The following IFNLR1 variants were observed in gnomAD, a reference collection of about 807,000 sequenced individuals.
The protein encoded by IFNLR1 is interferon lambda receptor 1.
Under a neutral mutation model 52.5 loss-of-function variants are expected in IFNLR1, and 28 were observed. That is an observed-to-expected ratio of 0.53 (90% CI 0.40 to 0.73). The LOEUF is 0.73. Ranked by LOEUF, IFNLR1 falls within the 30% of genes least tolerant of loss-of-function variation. IFNLR1 has a pLI of 0.00. For missense variants in IFNLR1, 623 were observed against 659.1 expected, an observed-to-expected ratio of 0.95 and a Z score of 0.60; for synonymous variants, 276 against 274.9, an observed-to-expected ratio of 1.00 and a Z score of -0.04.
Position 24,155,464 on chromosome 1 carries a change from T to A in IFNLR1, c.*1666A>T, listed in dbSNP as rs569541057. ...CAAAAGGAGTGGTTTGCTAACTTTT[T>A]CTTGAGTAGTGGATCCCTCTAAACA... is the stretch of plus-strand genomic sequence containing the variant. On this transcript the variant is annotated 3_prime_UTR_variant, in exon 7 of 7. Transcript: ENST00000327535. The A allele has an allele frequency of 6.6e-6, 1 of 152,334 alleles. No homozygotes were observed. Among genetic ancestry groups the A allele is most frequent in the African/African-American group, 2.4e-5 (1 of 41,564 alleles). The allele number at this position is 152,334 out of a possible 1,614,324, so 9.4% of individuals were successfully genotyped here. A position where few individuals can be genotyped will look rare whatever the true frequency, so the allele number is the denominator to read the frequency against.
intron 1 of IFNLR1, among the ~76,000 whole-genome samples, chr1:24,182,782 T>A (rs1644703780): frequency 6.6e-6 from 1 of 152,140 alleles, no homozygotes; most frequent in South Asian, 2.1e-4. Context: ...TAGCCAGGCG[T>A]GGTGGTGCAC....
At chr1:24,171,271 A>G (rs975708971) in intron 2 of IFNLR1, among the ~76,000 whole-genome samples, 3 of 152,190 alleles carry the variant, frequency 2.0e-5, no homozygotes, top group Non-Finnish European at 4.4e-5. Flanking sequence ...ATAAATAAAT[A>G]AAGAACAACA....
chr1:24,170,330 A>G (rs1416316769), intron 2 of IFNLR1, among the ~76,000 whole-genome samples: 1 of 152,210 alleles, frequency 6.6e-6, no homozygotes, highest in Non-Finnish European at 1.5e-5. Flanking sequence ...CAAATGGACT[A>G]AGCCAGAGAC....
chr1:24,186,061 A>G (rs1644735325), intron 1 of IFNLR1, among the ~76,000 whole-genome samples: 1 of 152,206 alleles, frequency 6.6e-6, no homozygotes, highest in Non-Finnish European at 1.5e-5. Context: ...AATACTTATC[A>G]GGTGAAAGTA....
At position 24,157,805 on chromosome 1, in the gene IFNLR1, C is replaced by G. The variant is rs71575792; in HGVS notation, c.888G>C (p.Lys296Asn). Residue 296 changes from lysine to asparagine, a missense_variant, in exon 7 of 7, where the codon AAG becomes AAC. Transcript: ENST00000327535. This position sits in a 1 kb window ranked among gnomAD's most constrained non-coding sequence, Gnocchi z 5.1. ...TCGGCCTGACCCCTCTGGTCAGTTC[C>G]TTTTGGGGACAGAGGAACAAGTCAT... ...SVNDLFLCPQ[K>N]ELTRGVRPTP... 6.2e-7 allele frequency: 1 copy of G among 1,614,066 alleles called. No individual in the cohort carries two copies. Among genetic ancestry groups the G allele is most frequent in the South Asian group, 1.1e-5 (1 of 91,066 alleles).
At chr1:24,180,675 A>ACCCCCCCCCCC in intron 2 of IFNLR1, 56 bp downstream of exon 2, 1 of 385,914 alleles carries the variant, frequency 2.6e-6, no homozygotes, top group Non-Finnish European at 5.1e-6. Flanking sequence ...AAGCCCCTCC[A>ACCCCCCCCCCC]GCCCCCACCC....
At chr1:24,162,752 CTTTCTTTCTTTCTTTCTTTCTTTCTT>C (rs1557643803) in intron 3 of IFNLR1, among the ~76,000 whole-genome samples, 1,804 of 37,540 alleles carry the variant, frequency 0.048, 53 homozygotes, top group East Asian at 0.085. Flanking sequence ...TTCTTTCTTT[CTTTCTTTCTTTCTTTCTTTCTTTCTT>C]TTTCTTTCTT....
chr1:24,175,802 C>T (rs1214514266), intron 2 of IFNLR1, among the ~76,000 whole-genome samples: 6 of 151,964 alleles, frequency 3.9e-5, no homozygotes, highest in African/African-American at 7.3e-5. Flanking sequence ...GGCGTGGTGG[C>T]GCATGCCTGT....
intron 2 of IFNLR1, 103 bp from the exon 3 acceptor site, chr1:24,169,704 CT>C: frequency 1.6e-6 from 2 of 1,230,070 alleles, no homozygotes; most frequent in Non-Finnish European, 2.3e-6. Flanking sequence ...GCTGGACTGA[CT>C]TTAGGTCCAT....
chr1:24,157,027 G>T lies in IFNLR1; in HGVS notation c.*103C>A, dbSNP rs11249009. 21,663 of 1,378,600 alleles carry T rather than the reference G, an allele frequency of 0.016. 184 individuals are homozygous for T. The highest frequency in any genetic ancestry group is 0.028 in the Middle Eastern group (103 of 3,708). 85.4% of individuals were successfully genotyped at this position (1,378,600 alleles called of 1,614,324 possible). A position where few individuals can be genotyped will look rare whatever the true frequency, so the allele number is the denominator to read the frequency against. ...CTTCCCGGAAGTGCAATGCCCCTCC[G>T]CCGCCCAGGGGAGGTACGGAGGCTC... On this transcript the variant is annotated 3_prime_UTR_variant, in exon 7 of 7. Transcript: ENST00000327535. This position sits in a 1 kb window ranked among gnomAD's most constrained non-coding sequence, Gnocchi z 5.1.
chr1:24,172,223 T>C (rs1371974669), intron 2 of IFNLR1, among the ~76,000 whole-genome samples: 1 of 152,158 alleles, frequency 6.6e-6, no homozygotes, highest in Admixed American at 6.6e-5. Context: ...AGCTAAGTAA[T>C]ACTTAGAGGA....
chr1:24,166,176 C>CCCATCCATCCATCCATCCATCCAT (rs143399355), intron 3 of IFNLR1, among the ~76,000 whole-genome samples: 2 of 149,352 alleles, frequency 1.3e-5, no homozygotes, highest in Admixed American at 6.7e-5. Flanking sequence ...TCCTTTCCTT[C>CCCATCCATCCATCCATCCATCCAT]CCATCCATCC....
chr1:24,162,812 TTTTTTTC>T (rs1340222432), intron 3 of IFNLR1, among the ~76,000 whole-genome samples: 3,065 of 81,776 alleles, frequency 0.037, 355 homozygotes, highest in Middle Eastern at 0.086. Context: ...TTTTTCTTTC[TTTTTTTC>T]TTCTTTCTTT....
chr1:24,157,165 T>C lies in IFNLR1; in HGVS notation c.1528A>G (p.Arg510Gly), dbSNP rs1478575922. ...ATGTAATGCCCCAATGTCCGGCCCC[T>C]GTCCTCGGTCCTCTGGGTGCTCTCA... The part of the protein sequence containing the change: ...GAESTQRTED[R>G]GRTLGHYMAR The change falls in exon 7 of 7, where the codon AGG becomes GGG. Residue 510 changes from arginine (R) to glycine (G), a missense_variant. By Grantham distance (125) the Arg-to-Gly change is moderately radical. Coordinates refer to ENST00000327535, the MANE Select transcript of IFNLR1 (RefSeq NM_170743.4). The surrounding 1 kb of genome is among the most constrained non-coding windows in gnomAD (Gnocchi z 5.1). 1 of 1,613,772 alleles carries C rather than the reference T, an allele frequency of 6.2e-7. No homozygotes were observed. The highest frequency in any genetic ancestry group is 1.3e-5 in the African/African-American group (1 of 75,042).
intron 3 of IFNLR1, among the ~76,000 whole-genome samples, chr1:24,162,786 C>CT (rs1251743381): frequency 0.014 from 883 of 61,260 alleles, 67 homozygotes; most frequent in Middle Eastern, 0.025. Context: ...CTTTTTCTTT[C>CT]TTTTTCTTTC....
chr1:24,187,124 C>A, intron 1 of IFNLR1, 67 bp downstream of exon 1: 1 of 1,117,434 alleles, frequency 8.9e-7, no homozygotes, highest in South Asian at 1.8e-5. Flanking sequence ...GCTCCGGGTC[C>A]GAGGGTAGGC....
At chr1:24,175,795 G>C (rs61772901) in intron 2 of IFNLR1, among the ~76,000 whole-genome samples, 1 of 152,096 alleles carries the variant, frequency 6.6e-6, no homozygotes, top group Non-Finnish European at 1.5e-5. Flanking sequence ...TTAGCCAGGC[G>C]TGGTGGCGCA....
chr1:24,169,359 G>T, intron 3 of IFNLR1, 58 bp downstream of exon 3: 2 of 1,505,598 alleles, frequency 1.3e-6, no homozygotes, highest in African/African-American at 1.4e-5. Context: ...TGAGCACTGA[G>T]CACAGCTCCC....
chr1:24,181,946 C>T (rs1644694933), intron 1 of IFNLR1, among the ~76,000 whole-genome samples: 1 of 152,142 alleles, frequency 6.6e-6, no homozygotes, highest in African/African-American at 2.4e-5. Context: ...AGCCTGTAAT[C>T]CCAGCACTTT....
Sources: gnomAD v4.1 joint callset for allele counts (sites outside exome capture counted in the v4.1 genomes callset) on GRCh38, gnomAD v4.1.1 for gene constraint, Gnocchi (gnomAD v3.1) non-coding constraint, MANE v1.5 for transcripts, NCBI Gene and HGNC (gene_info 2026-07-23, HGNC 2026-07-21) for gene names.